CX3CR1: variants seen among roughly 807,000 people sequenced by gnomAD.
CX3CR1 encodes C-X3-C motif chemokine receptor 1.
For synonymous variants in CX3CR1, 168 were observed against 178.5 expected, an observed-to-expected ratio of 0.94 and a Z score of 0.47; for missense variants, 363 against 432.4, an observed-to-expected ratio of 0.84 and a Z score of 1.42.
chr3:39,288,418 TC>T, the CX3CR1 span, among the ~76,000 whole-genome samples: 2 of 152,186 alleles, frequency 1.3e-5, no homozygotes, highest in Admixed American at 1.3e-4. Flanking sequence ...CTTCCACTCT[TC>T]CAGGTAGCTC....
chr3:39,281,814 C>CA (rs2040903454), upstream of CX3CR1: 5 of 749,130 alleles, frequency 6.7e-6, no homozygotes, highest in South Asian at 7.9e-5. Context: ...CTTCCCTTCC[C>CA]AACTCACCTG....
chr3:39,284,442 G>A (rs1173908928), upstream of CX3CR1, among the ~76,000 whole-genome samples: 1 of 152,176 alleles, frequency 6.6e-6, no homozygotes, highest in Non-Finnish European at 1.5e-5. Context: ...GATTACAGGC[G>A]TGAGCCACTG....
chr3:39,265,145 T>G lies in CX3CR1; in HGVS notation c.*297A>C. ...TGCTTGTGCCACAATATGAACAATA[T>G]TCACCACCCTCATTTAACTAAACTA... On this transcript the variant is annotated 3_prime_UTR_variant, in exon 2 of 2. Transcript: ENST00000399220. 3.3e-6 allele frequency: 1 copy of G among 306,406 alleles called. No individual in the cohort carries two copies. Among genetic ancestry groups the G allele is most frequent in the Non-Finnish European group, 6.0e-6 (1 of 166,184 alleles). The allele number at this position is 306,406 out of a possible 1,614,324, so 19.0% of individuals were successfully genotyped here.
At chr3:39,271,927 C>A (rs1193488584) in intron 1 of CX3CR1, among the ~76,000 whole-genome samples, 1 of 152,218 alleles carries the variant, frequency 6.6e-6, no homozygotes. Context: ...CTCCTGGCAG[C>A]AGATGCGAGT....
At chr3:39,273,236 A>T (rs1467960492) in intron 1 of CX3CR1, among the ~76,000 whole-genome samples, 4 of 152,260 alleles carry the variant, frequency 2.6e-5, no homozygotes, top group Non-Finnish European at 5.9e-5. Context: ...CTGTGGGCTC[A>T]TAACCCAGCA....
At chr3:39,274,820 T>C (rs1276605061) in intron 1 of CX3CR1, among the ~76,000 whole-genome samples, 1 of 152,000 alleles carries the variant, frequency 6.6e-6, no homozygotes, top group Non-Finnish European at 1.5e-5. Flanking sequence ...AGGACAGAGA[T>C]CTCCTCACCT....
rs2040673399 is a variant in CX3CR1 at position 39,264,889 on chromosome 3, C to A, written c.*553G>T. On this transcript the variant is annotated 3_prime_UTR_variant, in exon 2 of 2. Coordinates refer to ENST00000399220, the MANE Select transcript of CX3CR1 (RefSeq NM_001337.4). ...TATCCCTTCCCCATGGATAACAGCACCTTCCAGGGATGGGCACCTGATACA... is the reference window on the plus strand; with the variant it reads ...TATCCCTTCCCCATGGATAACAGCAACTTCCAGGGATGGGCACCTGATACA... The A allele has an allele frequency of 6.6e-6, 1 of 152,610 alleles. No homozygotes were observed. Among genetic ancestry groups the A allele is most frequent in the Non-Finnish European group, 1.5e-5 (1 of 68,368 alleles). The allele number at this position is 152,610 out of a possible 1,614,324, so 9.5% of individuals were successfully genotyped here. A position where few individuals can be genotyped will look rare whatever the true frequency, so the allele number is the denominator to read the frequency against.
intron 1 of CX3CR1, among the ~76,000 whole-genome samples, chr3:39,269,303 C>A (rs2125551518): frequency 6.6e-6 from 1 of 152,202 alleles, no homozygotes; most frequent in Admixed American, 6.5e-5. Context: ...AGAGGGGTCC[C>A]AAATCAGGCC....
chr3:39,271,437 A>G (rs1379485459), intron 1 of CX3CR1, among the ~76,000 whole-genome samples: 1 of 152,252 alleles, frequency 6.6e-6, no homozygotes, highest in African/African-American at 2.4e-5. Flanking sequence ...CGTCAGCTCT[A>G]TAATATGGAG....
chr3:39,284,785 G>C (rs1190121442), upstream of CX3CR1, among the ~76,000 whole-genome samples: 1 of 152,194 alleles, frequency 6.6e-6, no homozygotes, highest in Non-Finnish European at 1.5e-5. Flanking sequence ...AAAGGGTCAA[G>C]TCAGGATTGG....
intron 1 of CX3CR1, among the ~76,000 whole-genome samples, chr3:39,277,107 G>A (rs1284897255): frequency 6.6e-6 from 1 of 152,106 alleles, no homozygotes; most frequent in East Asian, 1.9e-4. Context: ...CACTTTAAGG[G>A]GAAAACAAAG....
chr3:39,265,285 T>G lies in CX3CR1; in HGVS notation c.*157A>C, dbSNP rs766918260. The G allele has an allele frequency of 1.5e-5, 10 of 670,288 alleles. No individual in the cohort carries two copies. Among genetic ancestry groups the G allele is most frequent in the Non-Finnish European group, 2.5e-5 (10 of 405,906 alleles). The allele number at this position is 670,288 out of a possible 1,614,324, so 41.5% of individuals were successfully genotyped here. ...TTCAATTTGTTCATTCTTCAAATTTTGAGCACAATTCTCAACAACACTCTA... is the reference window on the plus strand; with the variant it reads ...TTCAATTTGTTCATTCTTCAAATTTGGAGCACAATTCTCAACAACACTCTA... On this transcript the variant is annotated 3_prime_UTR_variant, in exon 2 of 2. Coordinates refer to ENST00000399220, the MANE Select transcript of CX3CR1 (RefSeq NM_001337.4).
chr3:39,277,961 C>A (rs1433059179), intron 1 of CX3CR1, among the ~76,000 whole-genome samples: 9 of 152,162 alleles, frequency 5.9e-5, no homozygotes, highest in African/African-American at 1.9e-4. Flanking sequence ...TGCCTTTAAT[C>A]CTTGCAGAAA....
chr3:39,267,395 G>A (rs1030048805), intron 1 of CX3CR1, among the ~76,000 whole-genome samples: 2 of 152,124 alleles, frequency 1.3e-5, no homozygotes, highest in Non-Finnish European at 2.9e-5. Context: ...AACAGCACCC[G>A]GAAGCCCTCA....
Position 39,265,666 on chromosome 3 carries a change from C to T in CX3CR1, c.844G>A (p.Ala282Thr). ...GGATTCAGGCAACAATGGCTAAATG[C>T]AACCGTCTCAGTCACACTGAGGGCC... The part of the protein sequence containing the change: ...RLALSVTETV[A>T]FSHCCLNPLI... The change falls in exon 2 of 2, where the codon GCA (alanine) becomes ACA (threonine). Residue 282 changes from alanine (A) to threonine (T), a missense_variant. By Grantham distance (58) the Ala-to-Thr change is moderately conservative (BLOSUM62 0). Coordinates refer to ENST00000399220, the MANE Select transcript of CX3CR1 (RefSeq NM_001337.4). 1 of 1,614,222 alleles carries T rather than the reference C, an allele frequency of 6.2e-7. No homozygotes were observed. The highest frequency in any genetic ancestry group is 8.5e-7 in the Non-Finnish European group (1 of 1,180,040).
upstream of CX3CR1, chr3:39,281,768 A>G: frequency 1.8e-6 from 2 of 1,130,078 alleles, no homozygotes; most frequent in Non-Finnish European, 2.6e-6. Context: ...CACCACTTCC[A>G]CTTCCCCCAA....
At chr3:39,269,728 CT>C (rs934951646) in intron 1 of CX3CR1, among the ~76,000 whole-genome samples, 10 of 152,320 alleles carry the variant, frequency 6.6e-5, no homozygotes, top group Admixed American at 6.5e-4. Flanking sequence ...TCCTAGCTCC[CT>C]GCTGTCTCAG....
At chr3:39,284,308 C>A (rs1056219148), upstream of CX3CR1, among the ~76,000 whole-genome samples, 2 of 152,082 alleles carry the variant, frequency 1.3e-5, no homozygotes, top group Non-Finnish European at 1.5e-5. Context: ...ATTACAGGAG[C>A]CTGCTACCAC....
At chr3:39,279,169 A>G (rs1488355793) in intron 1 of CX3CR1, among the ~76,000 whole-genome samples, 1 of 152,126 alleles carries the variant, frequency 6.6e-6, no homozygotes, top group East Asian at 1.9e-4. Context: ...AAAAAACAAA[A>G]CACAAACAAG....
Sources: allele counts gnomAD v4.1 joint callset (sites outside exome capture counted in the v4.1 genomes callset), GRCh38; gene constraint gnomAD v4.1.1; transcripts MANE v1.5; gene names NCBI Gene and HGNC (gene_info 2026-07-23, HGNC 2026-07-21).